The following MCM9 variants were observed in gnomAD, a reference collection of about 807,000 sequenced individuals.
The protein encoded by MCM9 is DNA helicase MCM9.
In MCM9, 55 loss-of-function variants were observed where a neutral mutation model predicts 72.8. The observed-to-expected ratio is 0.76, with a 90% CI of 0.61 to 0.95. MCM9 has a LOEUF of 0.95. MCM9 is among the 40% of genes least tolerant of loss of function. The probability of loss-of-function intolerance (pLI) is 0.00; values close to 1 mark genes in which losing one functional copy is unlikely to be tolerated. For synonymous variants in MCM9, 480 were observed against 503.4 expected (o/e 0.95, Z 0.62); for missense variants, 1,279 against 1,377.0 (o/e 0.93, Z 1.13).
At chr6:118,934,530 G>A (rs914770849) in intron 1 of MCM9, 7 of 151,664 alleles carry the variant, frequency 4.6e-5, no homozygotes, top group African/African-American at 1.7e-4. Context: ...CCCCCTCCGC[G>A]CGGGCTGGCG....
At chr6:118,905,317 G>A (rs114842653) in intron 8 of MCM9, among the ~76,000 whole-genome samples, 1,576 of 152,078 alleles carry the variant, frequency 0.01, 29 homozygotes, top group African/African-American at 0.036. Context: ...GACTGAAAAG[G>A]TTAAAATCAA....
chr6:118,916,885 G>A (rs939054691), intron 6 of MCM9, among the ~76,000 whole-genome samples: 3 of 152,162 alleles, frequency 2.0e-5, no homozygotes, highest in African/African-American at 7.2e-5. Flanking sequence ...TAGATTTGAG[G>A]GGAGTGTTAT....
chr6:118,840,687 T>C (rs1775297161), intron 9 of MCM9, among the ~76,000 whole-genome samples: 1 of 151,832 alleles, frequency 6.6e-6, no homozygotes. Context: ...CAATCCATTA[T>C]ATATATTTGG....
chr6:118,821,271 C>A (rs1018249707), intron 13 of MCM9, among the ~76,000 whole-genome samples: 5 of 152,130 alleles, frequency 3.3e-5, no homozygotes, highest in Non-Finnish European at 5.9e-5. Context: ...CCAGTTTTTC[C>A]TTTCCATATT....
Position 118,815,421 on chromosome 6 carries a change from T to C in MCM9, c.2835A>G (p.Ala945=), listed in dbSNP as rs1481617425. The change falls in exon 14 of 14, where the codon GCA becomes GCG. Residue 945 remains alanine (A), a synonymous_variant. Coordinates refer to ENST00000619706, the MANE Select transcript of MCM9 (RefSeq NM_017696.3). ...FEDHSHVSPG[A]TKIAVHSPKI... ...TAGGACTATGAACTGCTATTTTAGT[T>C]GCACCAGGTGACACATGGCTGTGAT... 6.4e-6 allele frequency: 10 copies of C among 1,550,562 alleles called. No homozygotes were observed. Among genetic ancestry groups the C allele is most frequent in the African/African-American group, 1.4e-5 (1 of 73,160 alleles).
intron 9 of MCM9, among the ~76,000 whole-genome samples, chr6:118,848,406 C>T (rs1281861305): frequency 6.6e-6 from 1 of 151,722 alleles, no homozygotes; most frequent in Non-Finnish European, 1.5e-5. Flanking sequence ...AAACTACAGT[C>T]CAAATGCAGC....
At chr6:118,877,159 C>G (rs1033014593) in intron 8 of MCM9, among the ~76,000 whole-genome samples, 16 of 152,338 alleles carry the variant, frequency 1.1e-4, no homozygotes, top group African/African-American at 3.8e-4. Flanking sequence ...ACCCAACCTA[C>G]AGTCAGCACC....
rs192537151 is a variant in MCM9, at chr6:118,872,085, A to T, written c.1151-15540T>A. Among the ~76,000 whole-genome samples, 233 of 152,334 alleles carry T rather than the reference A, an allele frequency of 1.5e-3. 1 individual carries two copies. Among genetic ancestry groups the T allele is most frequent in the Admixed American group, 6.5e-3 (99 of 15,310 alleles). ...GTAATCCCAGCACTTTGGGAGGCCA[A>T]GGCGGGTGGATCACGAGGTCAGGAG... On this transcript the variant is annotated intron_variant, in intron 8 of 13. Transcript: ENST00000619706.
At chr6:118,926,773 G>A (rs550595653) in intron 3 of MCM9, among the ~76,000 whole-genome samples, 6 of 152,184 alleles carry the variant, frequency 3.9e-5, no homozygotes, top group East Asian at 3.9e-4. Flanking sequence ...AACAGTTTTC[G>A]ATTATCTTGG....
chr6:118,864,146 T>G (rs1044044436), intron 8 of MCM9, among the ~76,000 whole-genome samples: 7 of 152,110 alleles, frequency 4.6e-5, no homozygotes, highest in Non-Finnish European at 1.0e-4. Context: ...TCTGAGATTT[T>G]GGTGCCCCCA....
intron 9 of MCM9, among the ~76,000 whole-genome samples, chr6:118,843,051 G>A (rs1775495581): frequency 6.6e-6 from 1 of 152,146 alleles, no homozygotes; most frequent in Non-Finnish European, 1.5e-5. Context: ...GTAGGCTCTA[G>A]GCATCCTAAG....
intron 8 of MCM9, among the ~76,000 whole-genome samples, chr6:118,885,465 A>G (rs1778541800): frequency 6.6e-6 from 1 of 152,174 alleles, no homozygotes; most frequent in Non-Finnish European, 1.5e-5. Context: ...CAAATTAGTA[A>G]AGTCAGGAAT....
chr6:118,901,407 T>TACCACA (rs2114523957), intron 8 of MCM9, among the ~76,000 whole-genome samples: 1 of 152,326 alleles, frequency 6.6e-6, no homozygotes, highest in Admixed American at 6.5e-5. Context: ...TGGTCTTGGG[T>TACCACA]CATTGGAATG....
intron 8 of MCM9, chr6:118,909,145 A>T (rs2114567917): frequency 6.6e-6 from 1 of 152,332 alleles, no homozygotes; most frequent in East Asian, 1.9e-4. Flanking sequence ...TATTAAAATG[A>T]AAATAAAAGC....
Position 118,893,947 on chromosome 6 carries a change from C to T in MCM9, c.1150+17703G>A, listed in dbSNP as rs1779142560. ...TCCCGCCGCAGCCACGCCTCCCCGC[C>T]GCGGCCACGCCCCCTCCGCCCCTCT... On this transcript the variant is annotated intron_variant, in intron 8 of 13. Coordinates refer to ENST00000619706, the MANE Select transcript of MCM9 (RefSeq NM_017696.3). 3 of 927,090 alleles carry T rather than the reference C, an allele frequency of 3.2e-6. No individual in the cohort carries two copies. In the East Asian group the frequency reaches 3.5e-4, roughly 108 times the overall value. 57.4% of individuals were successfully genotyped at this position (927,090 alleles called of 1,614,324 possible). A position where few individuals can be genotyped will look rare whatever the true frequency, so the allele number is the denominator to read the frequency against.
intron 8 of MCM9, among the ~76,000 whole-genome samples, chr6:118,886,362 G>C (rs1277462623): frequency 1.3e-5 from 2 of 151,606 alleles, no homozygotes; most frequent in African/African-American, 4.9e-5. Flanking sequence ...AAGAGAGAGA[G>C]AGAGAGAAAG....
intron 8 of MCM9, among the ~76,000 whole-genome samples, chr6:118,860,069 T>A (rs1266092068): frequency 6.6e-6 from 1 of 152,214 alleles, no homozygotes; most frequent in Non-Finnish European, 1.5e-5. Flanking sequence ...TAGTACATCA[T>A]GTCTACCTTT....
chr6:118,904,775 AT>A (rs1780057246), intron 8 of MCM9, among the ~76,000 whole-genome samples: 1 of 152,244 alleles, frequency 6.6e-6, no homozygotes, highest in Non-Finnish European at 1.5e-5. Flanking sequence ...GTAACTATTC[AT>A]AATAGAGGAT....
rs553439518 is a variant in MCM9, at chr6:118,932,536, C to T, written c.-16+71G>A. On this transcript the variant is annotated intron_variant, in intron 2 of 13. Coordinates refer to ENST00000619706, the MANE Select transcript of MCM9 (RefSeq NM_017696.3). Reference sequence around the variant, plus strand: ...TTATATGAACACAGTGTCATTCTTTCGTGTGCTCTCTCTCTCTTTAGTTAT... The same window carrying T: ...TTATATGAACACAGTGTCATTCTTTTGTGTGCTCTCTCTCTCTTTAGTTAT... 7.0e-6 allele frequency: 6 copies of T among 856,626 alleles called. No individual in the cohort carries two copies. The South Asian group carries it at 1.6e-4, about 23-fold the overall frequency. The allele number at this position is 856,626 out of a possible 1,614,324, so 53.1% of individuals were successfully genotyped here.
Sources: allele counts gnomAD v4.1 joint callset (sites outside exome capture counted in the v4.1 genomes callset), GRCh38; gene constraint gnomAD v4.1.1; transcripts MANE v1.5; gene names NCBI Gene and HGNC (gene_info 2026-07-23, HGNC 2026-07-21).